Variants in LSM14A observed in about 807,000 individuals in gnomAD.
The protein encoded by LSM14A is LSM14A mRNA processing body assembly factor.
Under a neutral mutation model 52.4 loss-of-function variants are expected in LSM14A, and 14 were observed. The ratio of observed to expected loss-of-function variants is 0.27; its 90% confidence interval spans 0.18 to 0.42. The LOEUF (loss-of-function observed/expected upper bound fraction) is 0.42. Among genes scored for constraint, LSM14A ranks in the 10% least tolerant of loss-of-function variants. The pLI is 1.00. For synonymous variants in LSM14A, 185 were observed against 200.3 expected, an observed-to-expected ratio of 0.92 and a Z score of 0.64; for missense variants, 417 against 581.8, an observed-to-expected ratio of 0.72 and a Z score of 2.91.
chr19:34,208,379 C>T (rs1014828451), intron 3 of LSM14A: 1 of 152,160 alleles, frequency 6.6e-6, no homozygotes, highest in South Asian at 2.1e-4. Flanking sequence ...AGAATTGGGC[C>T]CTTTCTAGGG....
intron 3 of LSM14A, among the ~76,000 whole-genome samples, chr19:34,198,473 C>T (rs777394913): frequency 5.9e-5 from 9 of 152,056 alleles, no homozygotes; most frequent in African/African-American, 1.4e-4. Flanking sequence ...ATTAGCTGGA[C>T]GTGGTGGTGG....
At chr19:34,218,359 G>A (rs2072824745) in intron 6 of LSM14A, among the ~76,000 whole-genome samples, 1 of 152,072 alleles carries the variant, frequency 6.6e-6, no homozygotes, top group Non-Finnish European at 1.5e-5. Flanking sequence ...GCTTGTGGCC[G>A]AGGCATTTTT....
At chr19:34,182,172 TCTC>T (rs755536876) in intron 1 of LSM14A, among the ~76,000 whole-genome samples, 1 of 152,196 alleles carries the variant, frequency 6.6e-6, no homozygotes, top group East Asian at 1.9e-4. Context: ...GTTGATTCTT[TCTC>T]CTCCTCCCAA....
At chr19:34,198,917 G>A (rs1036641153) in intron 3 of LSM14A, among the ~76,000 whole-genome samples, 1 of 151,882 alleles carries the variant, frequency 6.6e-6, no homozygotes, top group Non-Finnish European at 1.5e-5. Flanking sequence ...AACCCAGGAG[G>A]CGGAGCTTGC....
At chr19:34,217,614 C>A (rs1449365616) in intron 6 of LSM14A, among the ~76,000 whole-genome samples, 1 of 45,762 alleles carries the variant, frequency 2.2e-5, no homozygotes, top group South Asian at 6.4e-4. Flanking sequence ...ATCCCCCCCC[C>A]CCGTGTTTTT....
At chr19:34,186,398 C>T (rs1221180030) in intron 1 of LSM14A, among the ~76,000 whole-genome samples, 1 of 152,134 alleles carries the variant, frequency 6.6e-6, no homozygotes, top group Non-Finnish European at 1.5e-5. Context: ...GAGTAGCCTC[C>T]ATCTGTGGGT....
At chr19:34,198,257 T>C (rs2071017686) in intron 3 of LSM14A, among the ~76,000 whole-genome samples, 1 of 152,148 alleles carries the variant, frequency 6.6e-6, no homozygotes, top group African/African-American at 2.4e-5. Flanking sequence ...TATACAGATG[T>C]GACTTAAGTA....
intron 3 of LSM14A, among the ~76,000 whole-genome samples, chr19:34,201,099 T>C (rs1428721172): frequency 6.6e-6 from 1 of 152,228 alleles, no homozygotes; most frequent in East Asian, 1.9e-4. Flanking sequence ...ATTTTAATAT[T>C]ATTGTGGGTT....
chr19:34,194,145 C>G lies in LSM14A; in HGVS notation c.122-333C>G, dbSNP rs187264336. Among the ~76,000 whole-genome samples the G allele has an allele frequency of 2.0e-5, 3 of 152,206 alleles. No individual in the cohort carries two copies. The East Asian group carries it at 5.8e-4, about 29-fold the overall frequency. On this transcript the variant is annotated intron_variant, in intron 1 of 9. Coordinates refer to ENST00000544216, the MANE Select transcript of LSM14A (RefSeq NM_015578.4). Reference sequence around the variant, plus strand: ...CCATGACCACACCACTGCACTCCAGCCTAGGGGACAGAGACCCAGTCTCAT... The same window carrying G: ...CCATGACCACACCACTGCACTCCAGGCTAGGGGACAGAGACCCAGTCTCAT...
intron 3 of LSM14A, among the ~76,000 whole-genome samples, chr19:34,197,425 CTTTTTCT>C (rs2070929877): frequency 9.1e-6 from 1 of 110,016 alleles, no homozygotes; most frequent in African/African-American, 3.4e-5. Context: ...TTTTTAATTT[CTTTTTCT>C]TTTTTTTTTT....
chr19:34,208,742 C>T (rs1014510539), intron 3 of LSM14A, 187 bp from the exon 4 acceptor site: 17 of 492,072 alleles, frequency 3.5e-5, no homozygotes, highest in Non-Finnish European at 5.4e-5. Flanking sequence ...CCTTCCCCTG[C>T]CCTCCATATT....
In LSM14A at chr19:34,227,818, G is replaced by GTGTGTGTGTGTGTGTGTGTGTGTGTA. The variant is rs1359362417; in HGVS notation, c.*441_*442insGTGTGTGTGTGTGTATGTGTGTGTGT. ...TGTGTGTGTGTGTGTGTGTGTGTGTGTGTGTGTGTGTATGTGTGTGTCTTT... is the reference window on the plus strand; with the variant it reads ...TGTGTGTGTGTGTGTGTGTGTGTGTGTGTGTGTGTGTGTGTGTGTGTGTGTATGTGTGTGTGTATGTGTGTGTCTTT... On this transcript the variant is annotated 3_prime_UTR_variant, in exon 10 of 10. Transcript: ENST00000544216. The GTGTGTGTGTGTGTGTGTGTGTGTGTA allele has an allele frequency of 6.2e-6, 1 of 160,274 alleles. No homozygotes were observed. Among genetic ancestry groups the GTGTGTGTGTGTGTGTGTGTGTGTGTA allele is most frequent in the East Asian group, 1.8e-4 (1 of 5,568 alleles). The allele number at this position is 160,274 out of a possible 1,614,324, so 9.9% of individuals were successfully genotyped here.
intron 9 of LSM14A, chr19:34,226,375 CTTTT>C (rs528137318): frequency 0.018 from 21,147 of 1,166,722 alleles, no homozygotes; most frequent in East Asian, 0.031. Flanking sequence ...ATCTCTTTCT[CTTTT>C]TTTTTTTTTT....
intron 1 of LSM14A, among the ~76,000 whole-genome samples, chr19:34,192,316 G>GGTTTTTT (rs1341848304): frequency 9.1e-5 from 6 of 65,784 alleles, no homozygotes; most frequent in South Asian, 8.9e-4. Flanking sequence ...CATTCTTTTT[G>GGTTTTTT]TTGTTTTTTT....
Position 34,217,617 on chromosome 19 carries a change from GTGTTTTTTTTTTTT to G in LSM14A, c.782-1772_782-1759del, listed in dbSNP as rs2072737506. Among the ~76,000 whole-genome samples, 9 of 36,696 alleles carry G rather than the reference GTGTTTTTTTTTTTT, an allele frequency of 2.5e-4. 1 individual carries two copies. The highest frequency in any genetic ancestry group is 9.3e-4 in the African/African-American group (9 of 9,650). 24.1% of individuals were successfully genotyped at this position (36,696 alleles called of 152,430 possible). On this transcript the variant is annotated intron_variant, in intron 6 of 9. Transcript: ENST00000544216. ...ATATATTTTTATATCCCCCCCCCCCGTGTTTTTTTTTTTTTTTTTTTTTTTTTTGAGACAGAGTC... is the reference window on the plus strand; with the variant it reads ...ATATATTTTTATATCCCCCCCCCCCGTTTTTTTTTTTTTTGAGACAGAGTC...
At chr19:34,208,737 C>T in intron 3 of LSM14A, 192 bp from the exon 4 acceptor site, 2 of 486,860 alleles carry the variant, frequency 4.1e-6, no homozygotes, top group Non-Finnish European at 3.7e-6. Context: ...CTCCCCCTTC[C>T]CCTGCCCTCC....
chr19:34,219,922 G>C (rs765587167), intron 8 of LSM14A, 45 bp downstream of exon 8: 2 of 1,387,080 alleles, frequency 1.4e-6, no homozygotes, highest in Admixed American at 3.9e-5. Context: ...ATTGATTGAA[G>C]TGTAAAATGG....
chr19:34,215,337 G>A (rs1030384967), intron 5 of LSM14A, 37 bp downstream of exon 5: 5 of 1,535,406 alleles, frequency 3.3e-6, no homozygotes, highest in Admixed American at 2.1e-5. Flanking sequence ...TTAATTGACT[G>A]ATCAATGTTT....
intron 3 of LSM14A, among the ~76,000 whole-genome samples, chr19:34,198,467 G>A (rs2071036834): frequency 6.6e-6 from 1 of 151,936 alleles, no homozygotes; most frequent in African/African-American, 2.4e-5. Flanking sequence ...TACAAAATTA[G>A]CTGGACGTGG....
Sources: gnomAD v4.1 joint callset for allele counts (sites outside exome capture counted in the v4.1 genomes callset) on GRCh38, gnomAD v4.1.1 for gene constraint, MANE v1.5 for transcripts, NCBI Gene and HGNC (gene_info 2026-07-23, HGNC 2026-07-21) for gene names.